Variants in CCDC85C observed in about 807,000 individuals in gnomAD.
CCDC85C encodes the protein coiled-coil domain containing 85C.
CCDC85C carries 18 observed loss-of-function variants against 38.3 expected under a neutral mutation model. The observed-to-expected ratio is 0.47, with a 90% CI of 0.33 to 0.70. CCDC85C has a LOEUF of 0.70. CCDC85C is among the 30% of genes least tolerant of loss of function. The pLI, the probability that CCDC85C is intolerant of heterozygous loss-of-function variation, is 0.03. For missense variants in CCDC85C, 566 were observed against 621.2 expected, an observed-to-expected ratio of 0.91 and a Z score of 0.94; for synonymous variants, 264 against 293.8, an observed-to-expected ratio of 0.90 and a Z score of 1.04.
At chr14:99,562,293 C>T (rs2139950782) in intron 1 of CCDC85C, among the ~76,000 whole-genome samples, 1 of 152,316 alleles carries the variant, frequency 6.6e-6, no homozygotes, top group African/African-American at 2.4e-5. Flanking sequence ...TTGGCTCCTG[C>T]CCCTCCCTCC....
At chr14:99,602,576 C>T (rs1046978591) in intron 1 of CCDC85C, among the ~76,000 whole-genome samples, 5 of 152,084 alleles carry the variant, frequency 3.3e-5, no homozygotes, top group Admixed American at 1.3e-4. Context: ...GAGAAAGGTC[C>T]CAGGACTAGA....
rs1374663874 is a variant in CCDC85C, at chr14:99,588,614, C to T, written c.793+14553G>A. ...AGGAAGCGAGCTGGGGAGAGGGAAGCCTGGCACAGGTGGTGGCAAAGGGTC... is the reference window on the plus strand; with the variant it reads ...AGGAAGCGAGCTGGGGAGAGGGAAGTCTGGCACAGGTGGTGGCAAAGGGTC... On this transcript the variant is annotated intron_variant, in intron 1 of 5. Coordinates refer to ENST00000380243, the MANE Select transcript of CCDC85C (RefSeq NM_001144995.2). This position sits in a 1 kb window ranked among gnomAD's most constrained non-coding sequence, Gnocchi z 5.0. Among the ~76,000 whole-genome samples, 3 of 152,058 alleles carry T rather than the reference C, an allele frequency of 2.0e-5. No individual in the cohort carries two copies. The highest frequency in any genetic ancestry group is 2.9e-5 in the Non-Finnish European group (2 of 68,010).
intron 1 of CCDC85C, among the ~76,000 whole-genome samples, chr14:99,567,121 T>C (rs1898230659): frequency 2.2e-5 from 3 of 136,826 alleles, no homozygotes; most frequent in Admixed American, 1.5e-4. Context: ...TGCTTCCTCA[T>C]GTGTGAGATG....
At chr14:99,543,765 C>G (rs1418720820) in intron 1 of CCDC85C, among the ~76,000 whole-genome samples, 10 of 152,122 alleles carry the variant, frequency 6.6e-5, no homozygotes, top group Admixed American at 6.5e-5. Context: ...TGGAAGGGAT[C>G]ACAGCTCTCG....
Position 99,568,844 on chromosome 14 carries a change from T to C in CCDC85C, c.794-32756A>G, listed in dbSNP as rs1055970870. On this transcript the variant is annotated intron_variant, in intron 1 of 5. Transcript: ENST00000380243. ...AGCCTCTCCACCAGGCCATCAACAA[T>C]GTGGAGAGTCAGCATGTCACAGACA... Among the ~76,000 whole-genome samples the C allele has an allele frequency of 2.0e-5, 3 of 152,122 alleles. No individual in the cohort carries two copies. In the East Asian group the frequency reaches 5.8e-4, roughly 29 times the overall value.
intron 2 of CCDC85C, 99 bp from the exon 3 acceptor site, chr14:99,522,339 G>T: frequency 1.1e-6 from 1 of 870,198 alleles, no homozygotes; most frequent in Non-Finnish European, 1.8e-6. Context: ...CTGCTCAAAG[G>T]CACGGCCCCG....
At chr14:99,578,891 G>C (rs990325997) in intron 1 of CCDC85C, among the ~76,000 whole-genome samples, 2 of 151,316 alleles carry the variant, frequency 1.3e-5, no homozygotes, top group African/African-American at 4.9e-5. Context: ...CTAGGTGACA[G>C]GTGGATGTGG....
Position 99,500,935 on chromosome 14 carries a change from ACT to A in CCDC85C, c.*14309_*14310del. 2 of 982,668 alleles carry A rather than the reference ACT, an allele frequency of 2.0e-6. No homozygotes were observed. Among genetic ancestry groups the A allele is most frequent in the Non-Finnish European group, 3.1e-6 (2 of 648,706 alleles). 60.9% of individuals were successfully genotyped at this position (982,668 alleles called of 1,614,324 possible). Reference sequence around the variant, plus strand: ...AATCAAGTCTTTATAATTTGATGACACTCAAATTACGCTTCTCAAAAGCGGAA... The same window carrying A: ...AATCAAGTCTTTATAATTTGATGACACAAATTACGCTTCTCAAAAGCGGAA... On this transcript the variant is annotated 3_prime_UTR_variant, in exon 6 of 6. Transcript: ENST00000380243.
chr14:99,576,929 G>T lies in CCDC85C; in HGVS notation c.793+26238C>A, dbSNP rs1446818416. On this transcript the variant is annotated intron_variant, in intron 1 of 5. Transcript: ENST00000380243. The surrounding 1 kb of genome is among the most constrained non-coding windows in gnomAD (Gnocchi z 4.8). ...ACAGCTCCTACCCACACCCACTGCT[G>T]AGCTCTCCCTCGCCCCCAGGCTGCC... is the stretch of plus-strand genomic sequence containing the variant. Among the ~76,000 whole-genome samples, 1 of 151,952 alleles carries T rather than the reference G, an allele frequency of 6.6e-6. No individual in the cohort carries two copies. The highest frequency in any genetic ancestry group is 1.5e-5 in the Non-Finnish European group (1 of 67,966).
At chr14:99,530,433 C>G (rs1022705686) in intron 2 of CCDC85C, among the ~76,000 whole-genome samples, 1 of 152,186 alleles carries the variant, frequency 6.6e-6, no homozygotes, top group Non-Finnish European at 1.5e-5. Flanking sequence ...GGCATGGAAA[C>G]GCTGACCAAC....
chr14:99,525,574 G>A (rs1232562797), intron 2 of CCDC85C, among the ~76,000 whole-genome samples: 4 of 152,344 alleles, frequency 2.6e-5, no homozygotes, highest in South Asian at 2.1e-4. Context: ...GTGCTGCATC[G>A]GTTATGTGTC....
intron 2 of CCDC85C, among the ~76,000 whole-genome samples, chr14:99,528,033 A>AG (rs548330195): frequency 1.2e-3 from 184 of 152,224 alleles, no homozygotes; most frequent in African/African-American, 4.2e-3. Flanking sequence ...GCTCGAGGAG[A>AG]GGGCAGATCC....
At chr14:99,578,110 G>A (rs1898533674) in intron 1 of CCDC85C, among the ~76,000 whole-genome samples, 1 of 89,954 alleles carries the variant, frequency 1.1e-5, no homozygotes, top group Non-Finnish European at 2.2e-5. Context: ...CCCCATCAGT[G>A]TGTGTGTGTG....
intron 1 of CCDC85C, among the ~76,000 whole-genome samples, chr14:99,597,404 G>T (rs1221961705): frequency 1.3e-5 from 2 of 152,124 alleles, no homozygotes; most frequent in Non-Finnish European, 2.9e-5. Context: ...TGTAATGTGG[G>T]GCGTGTCTTA....
intron 1 of CCDC85C, among the ~76,000 whole-genome samples, chr14:99,601,728 C>G (rs1211526955): frequency 6.6e-6 from 1 of 152,186 alleles, no homozygotes; most frequent in Non-Finnish European, 1.5e-5. Context: ...CTGAAGCAGC[C>G]TGTGGTGGGA....
At chr14:99,528,341 C>G (rs1014729519) in intron 2 of CCDC85C, among the ~76,000 whole-genome samples, 1 of 152,232 alleles carries the variant, frequency 6.6e-6, no homozygotes, top group Non-Finnish European at 1.5e-5. Flanking sequence ...CATCTATTAG[C>G]CCAAAGCCAC....
intron 1 of CCDC85C, among the ~76,000 whole-genome samples, chr14:99,602,605 A>G (rs756399890): frequency 3.9e-5 from 6 of 152,154 alleles, no homozygotes; most frequent in Non-Finnish European, 7.4e-5. Flanking sequence ...ATTTATGGCA[A>G]ACAAGAAAGG....
rs376655094 is a variant in CCDC85C at position 99,554,190 on chromosome 14, A to G, written c.794-18102T>C. Among the ~76,000 whole-genome samples the G allele has an allele frequency of 9.8e-5, 15 of 152,302 alleles. No individual in the cohort carries two copies. In the East Asian group the frequency reaches 2.5e-3, roughly 25 times the overall value. Reference sequence around the variant, plus strand: ...CCACACCCTCAGCTCCAGTAACTGAAGAGGACTGTGGCCATCCCAGCACAC... The same window carrying G: ...CCACACCCTCAGCTCCAGTAACTGAGGAGGACTGTGGCCATCCCAGCACAC... On this transcript the variant is annotated intron_variant, in intron 1 of 5. Transcript: ENST00000380243.
intron 1 of CCDC85C, among the ~76,000 whole-genome samples, chr14:99,550,226 TAGG>T (rs1389299454): frequency 2.0e-5 from 3 of 152,086 alleles, no homozygotes; most frequent in East Asian, 1.9e-4. Flanking sequence ...AACTCAAAAT[TAGG>T]AGGAGATTAG....
Sources: allele counts gnomAD v4.1 joint callset (sites outside exome capture counted in the v4.1 genomes callset), GRCh38; gene constraint gnomAD v4.1.1; non-coding constraint Gnocchi (gnomAD v3.1); transcripts MANE v1.5; gene names NCBI Gene and HGNC (gene_info 2026-07-23, HGNC 2026-07-21).